NELL1: variants seen among roughly 807,000 people sequenced by gnomAD.
NELL1 encodes protein kinase C-binding protein NELL1.
NELL1 carries 76 observed loss-of-function variants against 107.4 expected under a neutral mutation model. The observed-to-expected ratio is 0.71, with a 90% CI of 0.59 to 0.86. The LOEUF (loss-of-function observed/expected upper bound fraction) is 0.86. Among genes scored for constraint, NELL1 ranks in the 40% least tolerant of loss-of-function variants. NELL1 has a pLI of 0.00. For synonymous variants in NELL1, 353 were observed against 341.2 expected, an observed-to-expected ratio of 1.03 and a Z score of -0.38; for missense variants, 1,024 against 1,005.5, an observed-to-expected ratio of 1.02 and a Z score of -0.25.
At chr11:21,456,190 CTCTT>C (rs1853729259) in intron 15 of NELL1, among the ~76,000 whole-genome samples, 1 of 152,014 alleles carries the variant, frequency 6.6e-6, no homozygotes, top group South Asian at 2.1e-4. Flanking sequence ...GGCCCTTTTA[CTCTT>C]TCTTCTTTTG....
intron 15 of NELL1, among the ~76,000 whole-genome samples, chr11:21,470,937 A>T (rs929096058): frequency 4.6e-5 from 7 of 152,152 alleles, no homozygotes; most frequent in African/African-American, 1.7e-4. Flanking sequence ...TTGGGTAAAC[A>T]CAACAATGGA....
intron 16 of NELL1, among the ~76,000 whole-genome samples, chr11:21,536,097 TTTTA>T (rs1374098638): frequency 6.6e-6 from 1 of 152,114 alleles, no homozygotes; most frequent in East Asian, 1.9e-4. Context: ...GTTAAGCCAA[TTTTA>T]TTTATTATTT....
intron 15 of NELL1, among the ~76,000 whole-genome samples, chr11:21,447,625 A>G (rs1853466838): frequency 6.6e-6 from 1 of 152,076 alleles, no homozygotes; most frequent in Admixed American, 6.5e-5. Flanking sequence ...CCTCTCCTCT[A>G]GTAGAAGGAA....
At chr11:21,204,643 T>G (rs1341302232) in intron 13 of NELL1, among the ~76,000 whole-genome samples, 1 of 152,030 alleles carries the variant, frequency 6.6e-6, no homozygotes, top group Non-Finnish European at 1.5e-5. Context: ...CTGTCCAGTT[T>G]TGTTCCCTTG....
intron 14 of NELL1, 137 bp downstream of exon 14, chr11:21,229,591 G>A (rs2133884071): frequency 3.4e-6 from 4 of 1,192,936 alleles, no homozygotes; most frequent in Non-Finnish European, 3.5e-6. Flanking sequence ...ACTGGCAAGG[G>A]TACTGTGCGT....
At chr11:21,447,268 T>C (rs1853456461) in intron 15 of NELL1, among the ~76,000 whole-genome samples, 1 of 152,158 alleles carries the variant, frequency 6.6e-6, no homozygotes, top group East Asian at 1.9e-4. Context: ...TCTTTTCCAC[T>C]GTGGCTGAGC....
intron 12 of NELL1, among the ~76,000 whole-genome samples, chr11:21,102,114 A>G (rs528586318): frequency 6.6e-6 from 1 of 152,222 alleles, no homozygotes; most frequent in South Asian, 2.1e-4. Flanking sequence ...CAGCCTCCCA[A>G]AGTGCTGGAA....
At chr11:21,529,070 T>A (rs1406366545) in intron 15 of NELL1, among the ~76,000 whole-genome samples, 3 of 152,066 alleles carry the variant, frequency 2.0e-5, no homozygotes, top group Non-Finnish European at 4.4e-5. Flanking sequence ...AATGGCTCAA[T>A]AAAATAGAAA....
At chr11:21,534,257 A>T in intron 15 of NELL1, 117 bp from the exon 16 acceptor site, 1 of 1,123,000 alleles carries the variant, frequency 8.9e-7, no homozygotes, top group Admixed American at 1.9e-5. Context: ...CTTTCATTGT[A>T]GGTGACTAAA....
intron 14 of NELL1, among the ~76,000 whole-genome samples, chr11:21,307,131 G>A (rs141593506): frequency 1.8e-3 from 269 of 152,024 alleles, no homozygotes; most frequent in African/African-American, 6.0e-3. Flanking sequence ...GTGCTGTAAT[G>A]AGCCTTGGTG....
At chr11:21,027,314 AGTTTAGTT>A (rs1262777185) in intron 12 of NELL1, among the ~76,000 whole-genome samples, 4 of 148,754 alleles carry the variant, frequency 2.7e-5, no homozygotes, top group African/African-American at 1.0e-4. Context: ...AGTTTAGTTT[AGTTTAGTT>A]TAGTTTAGTT....
intron 13 of NELL1, among the ~76,000 whole-genome samples, chr11:21,225,894 A>G (rs1387022665): frequency 2.0e-5 from 3 of 152,170 alleles, no homozygotes; most frequent in Admixed American, 6.5e-5. Flanking sequence ...AGGTTCTATC[A>G]TTGTCCACAT....
At chr11:20,831,722 T>C (rs1858014087) in intron 3 of NELL1, among the ~76,000 whole-genome samples, 1 of 152,186 alleles carries the variant, frequency 6.6e-6, no homozygotes, top group Non-Finnish European at 1.5e-5. Context: ...CCAAAATAAA[T>C]GATTCTAAAA....
At chr11:21,348,303 T>C (rs988831564) in intron 14 of NELL1, among the ~76,000 whole-genome samples, 3 of 152,192 alleles carry the variant, frequency 2.0e-5, no homozygotes, top group Non-Finnish European at 2.9e-5. Context: ...TTCTTTGAAT[T>C]TGACATCCTT....
chr11:20,784,004 G>C (rs1856904393), intron 3 of NELL1, among the ~76,000 whole-genome samples, 174 bp downstream of exon 3: 1 of 152,204 alleles, frequency 6.6e-6, no homozygotes, highest in Non-Finnish European at 1.5e-5. Flanking sequence ...GGTCAAAGTG[G>C]CTTTCTTGTT....
At chr11:20,857,015 T>C (rs1848893939) in intron 4 of NELL1, among the ~76,000 whole-genome samples, 1 of 152,150 alleles carries the variant, frequency 6.6e-6, no homozygotes, top group South Asian at 2.1e-4. Flanking sequence ...GGTGCATAAC[T>C]CCACTTGTTA....
rs146847269 is a variant in NELL1 at position 20,684,400 on chromosome 11, C to T, written c.184+6340C>T. On this transcript the variant is annotated intron_variant, in intron 2 of 19. Coordinates refer to ENST00000357134, the MANE Select transcript of NELL1 (RefSeq NM_006157.5). ...TCTGTATTATCTGTCATTACTATCA[C>T]TTAGTGTATTTTTTACCTCATATAT... Among the ~76,000 whole-genome samples the T allele has an allele frequency of 3.5e-3, 529 of 152,110 alleles. 9 individuals are homozygous for T. The highest frequency in any genetic ancestry group is 0.028 in the Admixed American group (430 of 15,262).
chr11:20,726,523 T>C (rs1327245301), intron 2 of NELL1, among the ~76,000 whole-genome samples: 1 of 152,014 alleles, frequency 6.6e-6, no homozygotes, highest in Non-Finnish European at 1.5e-5. Flanking sequence ...AACCCCACAG[T>C]AGAAAAATCT....
chr11:20,799,673 GTAT>G (rs1857243655), intron 3 of NELL1, among the ~76,000 whole-genome samples: 3 of 151,962 alleles, frequency 2.0e-5, no homozygotes, highest in Admixed American at 1.3e-4. Context: ...ATGTATGTAT[GTAT>G]GTATGTATTA....
Sources: allele counts gnomAD v4.1 joint callset (sites outside exome capture counted in the v4.1 genomes callset), GRCh38; gene constraint gnomAD v4.1.1; transcripts MANE v1.5; gene names NCBI Gene and HGNC (gene_info 2026-07-23, HGNC 2026-07-21).